Variants in PRKCB observed in about 807,000 individuals in gnomAD.
PRKCB encodes the protein protein kinase C beta, also known as protein kinase C beta type.
Under a neutral mutation model 81.5 loss-of-function variants are expected in PRKCB, and 13 were observed. That is an observed-to-expected ratio of 0.16 (90% CI 0.10 to 0.25). The LOEUF (loss-of-function observed/expected upper bound fraction) is 0.25. PRKCB is among the 10% of genes least tolerant of loss of function. The pLI is 1.00. For synonymous variants in PRKCB, 335 were observed against 321.4 expected (o/e 1.04, Z -0.45); for missense variants, 509 against 875.7 (o/e 0.58, Z 5.29).
intron 7 of PRKCB, among the ~76,000 whole-genome samples, chr16:24,107,283 A>G (rs1966591196): frequency 6.6e-6 from 1 of 152,194 alleles, no homozygotes; most frequent in Non-Finnish European, 1.5e-5. Context: ...CATGGGAGTT[A>G]CTTTGATTCT....
At chr16:23,844,259 G>A (rs1214568489) in intron 2 of PRKCB, among the ~76,000 whole-genome samples, 1 of 152,168 alleles carries the variant, frequency 6.6e-6, no homozygotes, top group African/African-American at 2.4e-5. Context: ...CATTGAAATT[G>A]TGTGAAATTC....
chr16:24,001,445 A>T (rs1192514212), intron 3 of PRKCB, among the ~76,000 whole-genome samples: 1 of 152,220 alleles, frequency 6.6e-6, no homozygotes, highest in African/African-American at 2.4e-5. Flanking sequence ...AAAATCATAA[A>T]CTTGTTAAAC....
chr16:24,105,893 T>A (rs1464257123), intron 7 of PRKCB, among the ~76,000 whole-genome samples: 2 of 152,220 alleles, frequency 1.3e-5, no homozygotes, highest in Non-Finnish European at 2.9e-5. Context: ...TGAAGATCTT[T>A]TTTCCACAGG....
chr16:23,866,513 G>C (rs1284811462), intron 2 of PRKCB, among the ~76,000 whole-genome samples: 1 of 152,108 alleles, frequency 6.6e-6, no homozygotes, highest in African/African-American at 2.4e-5. Flanking sequence ...TGTAAATTTG[G>C]TGTCTCTTAT....
intron 2 of PRKCB, among the ~76,000 whole-genome samples, chr16:23,968,959 C>G (rs555119194): frequency 8.5e-5 from 13 of 152,116 alleles, no homozygotes; most frequent in Non-Finnish European, 1.5e-4. Context: ...CTCTTGAAGC[C>G]AGGAGTTCGA....
intron 2 of PRKCB, among the ~76,000 whole-genome samples, chr16:23,969,507 C>T (rs992362842): frequency 2.0e-5 from 3 of 152,166 alleles, no homozygotes; most frequent in African/African-American, 7.2e-5. Context: ...AGTTACTTAA[C>T]TTTTCATGCC....
intron 3 of PRKCB, among the ~76,000 whole-genome samples, chr16:24,025,313 C>A (rs1204873274): frequency 6.6e-6 from 1 of 152,188 alleles, no homozygotes; most frequent in Non-Finnish European, 1.5e-5. Flanking sequence ...CAAAACACTT[C>A]GTCTCTTAGT....
At position 24,093,825 on chromosome 16, in the gene PRKCB, T is replaced by A. The variant is rs141309921; in HGVS notation, c.687-338T>A. 4.1e-3 allele frequency among the ~76,000 whole-genome samples: 627 copies of A among 152,324 alleles called. 7 individuals carry two copies. Among genetic ancestry groups the A allele is most frequent in the African/African-American group, 0.015 (608 of 41,572 alleles). ...ACCCACCTGTGTGCAGATATACACA[T>A]GTACACACCCAATTATGCAATTGAT... On this transcript the variant is annotated intron_variant, in intron 6 of 16. Transcript: ENST00000643927.
rs1968269402 is a variant in PRKCB, at chr16:24,218,557, C to T, written c.*3741C>T. On this transcript the variant is annotated 3_prime_UTR_variant, in exon 17 of 17. Transcript: ENST00000643927. ...AGACTTGGCAAGAGTAAGGAGGGAA[C>T]TCCATAGAGACATTTTACCTATCTC... is the stretch of plus-strand genomic sequence containing the variant. 1.0e-6 allele frequency: 1 copy of T among 985,302 alleles called. No individual in the cohort carries two copies. The highest frequency in any genetic ancestry group is 1.7e-5 in the African/African-American group (1 of 57,228). 61.0% of individuals were successfully genotyped at this position (985,302 alleles called of 1,614,324 possible).
intron 5 of PRKCB, among the ~76,000 whole-genome samples, chr16:24,074,319 A>T (rs1452140737): frequency 1.3e-5 from 2 of 152,194 alleles, no homozygotes; most frequent in South Asian, 2.1e-4. Context: ...GGAGGAAGAC[A>T]GAGAGGGTTC....
intron 5 of PRKCB, among the ~76,000 whole-genome samples, chr16:24,047,049 G>T (rs762940368): frequency 1.3e-5 from 2 of 152,022 alleles, no homozygotes; most frequent in South Asian, 2.1e-4. Flanking sequence ...TTAAAAATTA[G>T]CTGGGTAGGC....
At chr16:23,837,548 A>C (rs1962187517) in intron 2 of PRKCB, 142 bp downstream of exon 2, 1 of 1,047,114 alleles carries the variant, frequency 9.6e-7, no homozygotes, top group Non-Finnish European at 1.4e-6. Context: ...CTTCACCACA[A>C]CAGGGTCCTT....
chr16:23,950,872 G>C (rs914546491), intron 2 of PRKCB, among the ~76,000 whole-genome samples: 14 of 152,212 alleles, frequency 9.2e-5, no homozygotes, highest in African/African-American at 2.9e-4. Flanking sequence ...CAAGGTTGCT[G>C]TCTGTGAAGG....
intron 2 of PRKCB, among the ~76,000 whole-genome samples, chr16:23,945,462 G>T (rs976803839): frequency 1.3e-5 from 2 of 152,320 alleles, no homozygotes; most frequent in Admixed American, 1.3e-4. Flanking sequence ...CAGGGTGCCG[G>T]CAGCCCTTCT....
At chr16:24,110,083 G>T (rs537316258) in intron 7 of PRKCB, among the ~76,000 whole-genome samples, 1 of 143,330 alleles carries the variant, frequency 7.0e-6, no homozygotes. Flanking sequence ...GAGGGAGACC[G>T]TGGAAAGAGA....
At chr16:24,120,247 G>A (rs979865247) in intron 8 of PRKCB, among the ~76,000 whole-genome samples, 7 of 152,138 alleles carry the variant, frequency 4.6e-5, no homozygotes, top group African/African-American at 1.2e-4. Context: ...GAAATGTTCC[G>A]CGTCTTGTTT....
rs1207085690 is a variant in PRKCB, at chr16:23,881,308, G to A, written c.205+43902G>A. 4.7e-5 allele frequency among the ~76,000 whole-genome samples: 7 copies of A among 148,712 alleles called. 1 individual carries two copies. The highest frequency in any genetic ancestry group is 4.2e-4 in the South Asian group (2 of 4,716). On this transcript the variant is annotated intron_variant, in intron 2 of 16. Coordinates refer to ENST00000643927, the MANE Select transcript of PRKCB (RefSeq NM_002738.7). ...CGCTCTGTTGCCCAGGCTGAAGTGC[G>A]GTGGCGCGGTCTTGGTTCACTGCTA...
At chr16:23,885,846 G>A (rs144518517) in intron 2 of PRKCB, among the ~76,000 whole-genome samples, 178 of 152,276 alleles carry the variant, frequency 1.2e-3, no homozygotes, top group African/African-American at 4.1e-3. Context: ...AAAATCCTGT[G>A]AGCCATCACC....
chr16:23,934,960 G>T (rs1161721592), intron 2 of PRKCB, among the ~76,000 whole-genome samples: 3 of 152,182 alleles, frequency 2.0e-5, no homozygotes, highest in African/African-American at 7.2e-5. Flanking sequence ...CGTGGCCTTT[G>T]CAAATGCTTG....
Sources: allele counts gnomAD v4.1 joint callset (sites outside exome capture counted in the v4.1 genomes callset), GRCh38; gene constraint gnomAD v4.1.1; transcripts MANE v1.5; gene names NCBI Gene and HGNC (gene_info 2026-07-23, HGNC 2026-07-21).